Variants in DIAPH3 observed in about 807,000 individuals in gnomAD.
The protein encoded by DIAPH3 is protein diaphanous homolog 3.
A neutral mutation model predicts 144.3 loss-of-function variants in DIAPH3; 117 were observed. The observed-to-expected ratio is 0.81, with a 90% CI of 0.70 to 0.95. The LOEUF is 0.95. Ranked by LOEUF, DIAPH3 falls within the 40% of genes least tolerant of loss-of-function variation. DIAPH3 has a pLI of 0.00. For missense variants in DIAPH3, 1,421 were observed against 1,412.7 expected, an observed-to-expected ratio of 1.01 and a Z score of -0.09; for synonymous variants, 519 against 488.9, an observed-to-expected ratio of 1.06 and a Z score of -0.81.
intron 4 of DIAPH3, among the ~76,000 whole-genome samples, chr13:60,089,332 G>A (rs1423635044): frequency 6.6e-6 from 1 of 152,108 alleles, no homozygotes; most frequent in Non-Finnish European, 1.5e-5. Flanking sequence ...GTATCTGATG[G>A]AGTACTTTAA....
At chr13:59,815,860 G>A (rs1310003679) in intron 24 of DIAPH3, among the ~76,000 whole-genome samples, 7 of 152,062 alleles carry the variant, frequency 4.6e-5, no homozygotes, top group African/African-American at 1.7e-4. Context: ...TATAATGTCA[G>A]CTTGATTTTC....
chr13:60,061,395 G>A (rs930267785), intron 4 of DIAPH3, among the ~76,000 whole-genome samples: 1 of 152,040 alleles, frequency 6.6e-6, no homozygotes, highest in Non-Finnish European at 1.5e-5. Flanking sequence ...GTTACAAAAA[G>A]CTGTATGTTA....
At chr13:59,894,668 T>A (rs2045991316) in intron 20 of DIAPH3, among the ~76,000 whole-genome samples, 1 of 145,544 alleles carries the variant, frequency 6.9e-6, no homozygotes, top group Non-Finnish European at 1.5e-5. Context: ...TTGAACTAGT[T>A]TTCTCTTAAT....
Position 59,924,635 on chromosome 13 carries a change from G to T in DIAPH3, c.2170+140C>A. On this transcript the variant is annotated intron_variant, in intron 18 of 27. Coordinates refer to ENST00000400324, the MANE Select transcript of DIAPH3 (RefSeq NM_001042517.2). ...CATTTAATCCCATAATTTACCTAAA[G>T]GAGAGTTATCTGTGAATTTATCATG... 8.9e-6 allele frequency: 12 copies of T among 1,352,978 alleles called. No individual in the cohort carries two copies. The South Asian group carries it at 1.9e-4, about 21-fold the overall frequency. The allele number at this position is 1,352,978 out of a possible 1,614,324, so 83.8% of individuals were successfully genotyped here.
rs141370035 is a variant in DIAPH3 at position 60,085,638 on chromosome 13, A to G, written c.495+7990T>C. 3.3e-5 allele frequency among the ~76,000 whole-genome samples: 5 copies of G among 152,146 alleles called. No individual in the cohort carries two copies. The East Asian group carries it at 9.6e-4, about 29-fold the overall frequency. On this transcript the variant is annotated intron_variant, in intron 4 of 27. Coordinates refer to ENST00000400324, the MANE Select transcript of DIAPH3 (RefSeq NM_001042517.2). ...TATTGCTCCTGGATACTTTTTCCTC[A>G]TTTCATCAATTACTTAGCCCCTTTG... is the stretch of plus-strand genomic sequence containing the variant.
In DIAPH3 at chr13:59,905,342, C is replaced by CAAAAAAAAAAAAA. The variant is rs59114311; in HGVS notation, c.2367+6380_2367+6392dup. Among the ~76,000 whole-genome samples, 59 of 69,750 alleles carry CAAAAAAAAAAAAA rather than the reference C, an allele frequency of 8.5e-4. 1 individual carries two copies. The highest frequency in any genetic ancestry group is 1.7e-3 in the Admixed American group (9 of 5,354). The allele number at this position is 69,750 out of a possible 152,430, so 45.8% of individuals were successfully genotyped here. A position where few individuals can be genotyped will look rare whatever the true frequency, so the allele number is the denominator to read the frequency against. On this transcript the variant is annotated intron_variant, in intron 20 of 27. Transcript: ENST00000400324. ...TGGGCGACAGAGCGAGACTCTGTCT[C>CAAAAAAAAAAAAA]AAAAAAAAAAAAAAAAAAAAAAAAA...
chr13:59,984,033 G>A, intron 12 of DIAPH3, 146 bp from the exon 13 acceptor site: 1 of 626,798 alleles, frequency 1.6e-6, no homozygotes, highest in East Asian at 2.6e-5. Flanking sequence ...TTTTACCTGG[G>A]AGTGAGAGTA....
chr13:60,160,939 C>T (rs1952262402), intron 1 of DIAPH3, among the ~76,000 whole-genome samples: 2 of 152,266 alleles, frequency 1.3e-5, no homozygotes, highest in South Asian at 2.1e-4. Flanking sequence ...ACTTGAAGCC[C>T]GCAACTATAC....
At chr13:60,139,988 A>G (rs2059390955) in intron 1 of DIAPH3, among the ~76,000 whole-genome samples, 5 of 152,160 alleles carry the variant, frequency 3.3e-5, no homozygotes, top group African/African-American at 1.2e-4. Context: ...GGAATCCAAG[A>G]CCTTTTTCAT....
At chr13:59,999,060 A>T (rs1324180713) in intron 9 of DIAPH3, among the ~76,000 whole-genome samples, 1 of 152,180 alleles carries the variant, frequency 6.6e-6, no homozygotes, top group Non-Finnish European at 1.5e-5. Flanking sequence ...GGTCTTGGGC[A>T]TAATAAAACC....
intron 2 of DIAPH3, among the ~76,000 whole-genome samples, chr13:60,128,298 T>A (rs2059043069): frequency 6.6e-6 from 1 of 152,202 alleles, no homozygotes. Flanking sequence ...ACTTTCTTTA[T>A]CCAATCTGCC....
intron 4 of DIAPH3, among the ~76,000 whole-genome samples, chr13:60,053,575 G>A (rs531965251): frequency 1.1e-4 from 17 of 151,924 alleles, no homozygotes; most frequent in Admixed American, 1.0e-3. Flanking sequence ...TCTTTTGCTA[G>A]GTAACTATTA....
At chr13:59,880,191 G>A (rs547806959) in intron 20 of DIAPH3, among the ~76,000 whole-genome samples, 2 of 152,188 alleles carry the variant, frequency 1.3e-5, no homozygotes, top group South Asian at 4.1e-4. Context: ...GAACAAAGGG[G>A]CAAGTTCCTG....
At chr13:59,982,641 C>T (rs1387043187) in intron 13 of DIAPH3, among the ~76,000 whole-genome samples, 9 of 151,500 alleles carry the variant, frequency 5.9e-5, no homozygotes, top group East Asian at 3.9e-4. Context: ...GATGTTATAT[C>T]GAAATCTGAC....
chr13:60,091,218 CCA>C (rs2057920022), intron 4 of DIAPH3, among the ~76,000 whole-genome samples: 1 of 152,080 alleles, frequency 6.6e-6, no homozygotes, highest in Non-Finnish European at 1.5e-5. Flanking sequence ...TATTTTTTTT[CCA>C]CATCACATTT....
chr13:59,849,796 T>C (rs1321688334), intron 22 of DIAPH3, among the ~76,000 whole-genome samples: 2 of 100,736 alleles, frequency 2.0e-5, no homozygotes, highest in Non-Finnish European at 4.0e-5. Context: ...GACTTGGCGA[T>C]GCGGGCTCTT....
At chr13:59,748,447 C>T (rs1417333393) in intron 27 of DIAPH3, among the ~76,000 whole-genome samples, 1 of 152,222 alleles carries the variant, frequency 6.6e-6, no homozygotes, top group East Asian at 1.9e-4. Context: ...TAGACTTCAC[C>T]TGTGCTCAGA....
At chr13:59,891,837 C>T (rs1003124104) in intron 20 of DIAPH3, among the ~76,000 whole-genome samples, 3 of 151,964 alleles carry the variant, frequency 2.0e-5, no homozygotes, top group Non-Finnish European at 2.9e-5. Flanking sequence ...GTAATAGTTA[C>T]CGGTTGAGTA....
intron 23 of DIAPH3, chr13:59,837,625 T>TATTTTAACATG (rs1454818525): frequency 6.6e-6 from 1 of 152,664 alleles, no homozygotes; most frequent in African/African-American, 2.4e-5. Flanking sequence ...CACATATGAA[T>TATTTTAACATG]ATTTTAACAT....
Sources: gnomAD v4.1 joint callset for allele counts (sites outside exome capture counted in the v4.1 genomes callset) on GRCh38, gnomAD v4.1.1 for gene constraint, MANE v1.5 for transcripts, NCBI Gene and HGNC (gene_info 2026-07-23, HGNC 2026-07-21) for gene names.